FAM135A: variants seen among roughly 807,000 people sequenced by gnomAD.
FAM135A encodes protein FAM135A.
Under a neutral mutation model 146.8 loss-of-function variants are expected in FAM135A, and 79 were observed. The observed-to-expected ratio is 0.54, with a 90% CI of 0.45 to 0.65. The LOEUF (loss-of-function observed/expected upper bound fraction) is 0.65. Among genes scored for constraint, FAM135A ranks in the 30% least tolerant of loss-of-function variants. The pLI is 0.00. For synonymous variants in FAM135A, 562 were observed against 603.6 expected, an observed-to-expected ratio of 0.93 and a Z score of 1.01; for missense variants, 1,623 against 1,758.2, an observed-to-expected ratio of 0.92 and a Z score of 1.38.
intron 5 of FAM135A, among the ~76,000 whole-genome samples, chr6:70,454,968 A>G: frequency 6.6e-6 from 1 of 152,186 alleles, no homozygotes. Context: ...TCTGTGAAGA[A>G]AGTCATTGTT....
chr6:70,421,585 C>T (rs928243938), intron 2 of FAM135A, among the ~76,000 whole-genome samples: 12 of 152,176 alleles, frequency 7.9e-5, no homozygotes, highest in South Asian at 2.1e-4. Context: ...GGGCTTTTCA[C>T]GTAAGTTTCT....
At chr6:70,541,907 AG>A (rs1797996018) in intron 20 of FAM135A, among the ~76,000 whole-genome samples, 1 of 152,190 alleles carries the variant, frequency 6.6e-6, no homozygotes, top group Non-Finnish European at 1.5e-5. Flanking sequence ...AGAATTGCCA[AG>A]TTTTAAAACA....
chr6:70,422,939 G>A (rs566789250), intron 2 of FAM135A, among the ~76,000 whole-genome samples: 2 of 152,146 alleles, frequency 1.3e-5, no homozygotes, highest in Non-Finnish European at 2.9e-5. Context: ...TGTTAGGTGG[G>A]GATAGGTGCT....
chr6:70,542,378 C>A (rs1424953818), intron 20 of FAM135A, among the ~76,000 whole-genome samples: 1 of 151,962 alleles, frequency 6.6e-6, no homozygotes, highest in Non-Finnish European at 1.5e-5. Context: ...TTTTGTATCA[C>A]CTCATGTGTT....
intron 20 of FAM135A, among the ~76,000 whole-genome samples, chr6:70,553,499 C>T (rs1359846929): frequency 1.3e-5 from 2 of 152,028 alleles, no homozygotes; most frequent in Non-Finnish European, 2.9e-5. Flanking sequence ...ATTGAGTGGA[C>T]CTTAATATGT....
chr6:70,524,672 G>T lies in FAM135A; in HGVS notation c.1588G>T (p.Ala530Ser). Reference sequence around the variant, plus strand: ...AGGCTACAAATGTTTGAAAAGTACAGCATCAAATGATCTCATTAAATGCTT... The same window carrying T: ...AGGCTACAAATGTTTGAAAAGTACATCATCAAATGATCTCATTAAATGCTT... ...LVGYKCLKSTASNDLIKCFEG... is the reference protein window; with the variant it reads ...LVGYKCLKSTSSNDLIKCFEG... The change falls in exon 15 of 22, where the codon GCA becomes TCA. Residue 530 changes from alanine (A) to serine (S), a missense_variant. Physicochemically the swap from Ala to Ser is moderately conservative, Grantham distance 99. Transcript: ENST00000418814. 5.8e-6 allele frequency: 9 copies of T among 1,550,922 alleles called. No individual in the cohort carries two copies. The highest frequency in any genetic ancestry group is 7.8e-6 in the Non-Finnish European group (9 of 1,146,674).
At chr6:70,498,770 A>T (rs758461788) in intron 11 of FAM135A, among the ~76,000 whole-genome samples, 4 of 152,166 alleles carry the variant, frequency 2.6e-5, no homozygotes, top group Middle Eastern at 3.2e-3. Context: ...TTCAGTTTCC[A>T]CGTAGTTCTG....
intron 2 of FAM135A, among the ~76,000 whole-genome samples, chr6:70,421,588 A>G (rs997388288): frequency 6.6e-6 from 1 of 152,194 alleles, no homozygotes; most frequent in Non-Finnish European, 1.5e-5. Context: ...CTTTTCACGT[A>G]AGTTTCTCAC....
chr6:70,506,926 T>C (rs1444602880), intron 12 of FAM135A, among the ~76,000 whole-genome samples: 2 of 151,908 alleles, frequency 1.3e-5, no homozygotes. Context: ...AGCTTGATAT[T>C]CAATGGGAAG....
chr6:70,510,333 A>C (rs73485115), intron 12 of FAM135A, among the ~76,000 whole-genome samples: 1 of 152,158 alleles, frequency 6.6e-6, no homozygotes, highest in South Asian at 2.1e-4. Context: ...ATTTTAATGT[A>C]TACAATTCAG....
chr6:70,436,038 G>A (rs1190964005), intron 4 of FAM135A, among the ~76,000 whole-genome samples: 1 of 152,084 alleles, frequency 6.6e-6, no homozygotes, highest in African/African-American at 2.4e-5. Context: ...ACAAAAATTA[G>A]CCAGGCATGG....
intron 5 of FAM135A, among the ~76,000 whole-genome samples, chr6:70,464,098 A>G (rs1179177625): frequency 6.6e-6 from 1 of 152,262 alleles, no homozygotes; most frequent in Non-Finnish European, 1.5e-5. Flanking sequence ...TTAATAAATT[A>G]TGGTTGAATG....
Position 70,480,885 on chromosome 6 carries a change from A to G in FAM135A, c.543-16A>G. 6.2e-7 allele frequency: 1 copy of G among 1,600,552 alleles called. No individual in the cohort carries two copies. Among genetic ancestry groups the G allele is most frequent in the Non-Finnish European group, 8.5e-7 (1 of 1,175,592 alleles). On this transcript the variant is annotated splice_polypyrimidine_tract_variant and intron_variant, in intron 8 of 21. Coordinates refer to ENST00000418814, the MANE Select transcript of FAM135A (RefSeq NM_001162529.3). Reference sequence around the variant, plus strand: ...AGACTCGTATGACAATAATAATGTAATACTTCTTCCTCCAGCTTTCCTCGC... The same window carrying G: ...AGACTCGTATGACAATAATAATGTAGTACTTCTTCCTCCAGCTTTCCTCGC...
chr6:70,525,649 T>C lies in FAM135A; in HGVS notation c.2565T>C (p.Ser855=). 6.2e-7 allele frequency: 1 copy of C among 1,612,856 alleles called. No individual in the cohort carries two copies. The highest frequency in any genetic ancestry group is 8.5e-7 in the Non-Finnish European group (1 of 1,179,488). Residue 855 remains serine, a synonymous_variant, in exon 15 of 22, where the codon TCT becomes TCC. Transcript: ENST00000418814. ...ATGAACTGTCACCTGATGAAAATTC[T>C]AAGAAATCTGTTGTACCTGAATGCC... ...SDDELSPDEN[S]KKSVVPECHL... is the part of the protein sequence containing the mutation.
Position 70,501,957 on chromosome 6 carries a change from A to G in FAM135A, c.874-679A>G, listed in dbSNP as rs1248168168. 2.6e-5 allele frequency among the ~76,000 whole-genome samples: 4 copies of G among 152,190 alleles called. No individual in the cohort carries two copies. In the South Asian group the frequency reaches 8.3e-4, roughly 31 times the overall value. ...AACAGTATTTTATAATAGTTTGTTTACCTGCTTTTCTCCCCTCACTAGACT... is the reference window on the plus strand; with the variant it reads ...AACAGTATTTTATAATAGTTTGTTTGCCTGCTTTTCTCCCCTCACTAGACT... On this transcript the variant is annotated intron_variant, in intron 11 of 21. Transcript: ENST00000418814.
intron 15 of FAM135A, 106 bp downstream of exon 15, chr6:70,526,804 T>G (rs10945228): frequency 0.011 from 7,238 of 668,594 alleles, 165 homozygotes; most frequent in South Asian, 0.037. Flanking sequence ...CACACACACA[T>G]ATATATATAA....
chr6:70,514,167 CTT>C (rs934414868), intron 12 of FAM135A, among the ~76,000 whole-genome samples: 2 of 152,018 alleles, frequency 1.3e-5, no homozygotes, highest in African/African-American at 4.8e-5. Context: ...ATTTGATACT[CTT>C]GTTTTTCAGC....
intron 4 of FAM135A, among the ~76,000 whole-genome samples, chr6:70,437,868 A>G (rs1476121156): frequency 6.6e-6 from 1 of 152,182 alleles, no homozygotes; most frequent in African/African-American, 2.4e-5. Flanking sequence ...ATTTCTCTAT[A>G]TTTATTAATA....
intron 12 of FAM135A, among the ~76,000 whole-genome samples, chr6:70,514,642 T>C (rs1791780124): frequency 6.6e-6 from 1 of 152,132 alleles, no homozygotes; most frequent in African/African-American, 2.4e-5. Flanking sequence ...CCCATCTTAA[T>C]GGAACAAAAA....
Sources: gnomAD v4.1 joint callset for allele counts (sites outside exome capture counted in the v4.1 genomes callset) on GRCh38, gnomAD v4.1.1 for gene constraint, MANE v1.5 for transcripts, NCBI Gene and HGNC (gene_info 2026-07-23, HGNC 2026-07-21) for gene names.